The following ALPK3 variants were observed in gnomAD, a reference collection of about 807,000 sequenced individuals.
The protein encoded by ALPK3 is alpha-protein kinase 3.
A neutral mutation model predicts 140.0 loss-of-function variants in ALPK3; 102 were observed. The observed-to-expected ratio is 0.73, with a 90% CI of 0.62 to 0.86. The LOEUF is 0.86. Ranked by LOEUF, ALPK3 falls within the 40% of genes least tolerant of loss-of-function variation. ALPK3 has a pLI of 0.00. For missense variants in ALPK3, 2,254 were observed against 2,208.2 expected, an observed-to-expected ratio of 1.02 and a Z score of -0.42; for synonymous variants, 938 against 898.5, an observed-to-expected ratio of 1.04 and a Z score of -0.79.
rs771364224 is a variant in ALPK3 at position 84,868,362 on chromosome 15, A to G, written c.5024A>G (p.Lys1675Arg). 13 of 1,613,904 alleles carry G rather than the reference A, an allele frequency of 8.1e-6. No homozygotes were observed. In the East Asian group the frequency reaches 2.7e-4, roughly 33 times the overall value. ...QGTRKSAPSS[K>R]ATPQASEPVT... Reference sequence around the variant, plus strand: ...ACCCGGAAGAGTGCTCCAAGTTCCAAGGCCACCCCTCAGGCCTCAGAGCCA... The same window carrying G: ...ACCCGGAAGAGTGCTCCAAGTTCCAGGGCCACCCCTCAGGCCTCAGAGCCA... The change falls in exon 14 of 14, where the codon AAG (lysine) becomes AGG (arginine). Residue 1675 changes from lysine (K) to arginine (R), a missense_variant. Coordinates refer to ENST00000258888, the MANE Select transcript of ALPK3 (RefSeq NM_020778.5).
At chr15:84,823,788 G>A (rs1285390314) in intron 2 of ALPK3, among the ~76,000 whole-genome samples, 22 of 152,184 alleles carry the variant, frequency 1.4e-4, no homozygotes, top group Admixed American at 1.4e-3. Flanking sequence ...ATGGCTCCCT[G>A]TAGCCTTGAA....
intron 1 of ALPK3, among the ~76,000 whole-genome samples, chr15:84,820,054 T>C (rs543165570): frequency 1.2e-4 from 19 of 152,314 alleles, no homozygotes; most frequent in Admixed American, 9.1e-4. Flanking sequence ...TCACCCGGCA[T>C]CTAGGACCTC....
intron 1 of ALPK3, among the ~76,000 whole-genome samples, chr15:84,818,161 G>A (rs535609972): frequency 6.6e-6 from 1 of 152,274 alleles, no homozygotes; most frequent in African/African-American, 2.4e-5. Context: ...TAGGGGGTGG[G>A]ATGAGGTACT....
chr15:84,842,436 T>C (rs562840335), intron 5 of ALPK3, among the ~76,000 whole-genome samples: 30 of 152,330 alleles, frequency 2.0e-4, no homozygotes, highest in African/African-American at 7.2e-4. Context: ...GAAGCAGTTA[T>C]AGATCGGGAA....
intron 5 of ALPK3, among the ~76,000 whole-genome samples, chr15:84,853,855 A>G (rs1281124969): frequency 1.3e-5 from 2 of 152,050 alleles, no homozygotes; most frequent in Non-Finnish European, 2.9e-5. Flanking sequence ...TTCATTCAAA[A>G]TTCTGAATTT....
Position 84,839,993 on chromosome 15 carries a change from T to C in ALPK3, c.714T>C (p.Pro238=), listed in dbSNP as rs949298013. Reference sequence around the variant, plus strand: ...CTCAAGCGCCGGGCCCCTCGGTCCCTACCAGGGAGCCTGAGGGTGGGACCC... The same window carrying C: ...CTCAAGCGCCGGGCCCCTCGGTCCCCACCAGGGAGCCTGAGGGTGGGACCC... ...SGAQAPGPSV[P]TREPEGGTLA... Residue 238 remains proline (P), a synonymous_variant, in exon 5 of 14, where the codon CCT becomes CCC. Transcript: ENST00000258888. 2 of 1,613,382 alleles carry C rather than the reference T, an allele frequency of 1.2e-6. No individual in the cohort carries two copies. The highest frequency in any genetic ancestry group is 1.7e-5 in the Admixed American group (1 of 59,880).
At chr15:84,844,199 G>A (rs531896490) in intron 5 of ALPK3, among the ~76,000 whole-genome samples, 1 of 152,276 alleles carries the variant, frequency 6.6e-6, no homozygotes, top group South Asian at 2.1e-4. Context: ...CTGCACTCCA[G>A]CCTGGGTGAC....
Position 84,857,960 on chromosome 15 carries a change from T to C in ALPK3, c.3222T>C (p.Ile1074=), listed in dbSNP as rs111573852. The change falls in exon 6 of 14, where the codon ATT becomes ATC. Residue 1074 remains isoleucine, a synonymous_variant. Coordinates refer to ENST00000258888, the MANE Select transcript of ALPK3 (RefSeq NM_020778.5). The stretch of plus-strand genomic sequence containing the variant: ...CCAGCTCCCTCACTGTCCCTGCCAT[T>C]GTGGTAGACGAGGAGGACCCTGGGC... ...PGPSSLTVPA[I]VVDEEDPGLA... 1 of 1,609,036 alleles carries C rather than the reference T, an allele frequency of 6.2e-7. No homozygotes were observed. The highest frequency in any genetic ancestry group is 8.5e-7 in the Non-Finnish European group (1 of 1,178,130).
intron 13 of ALPK3, among the ~76,000 whole-genome samples, 184 bp from the exon 14 acceptor site, chr15:84,867,927 A>G (rs1964019379): frequency 6.6e-6 from 1 of 152,098 alleles, no homozygotes; most frequent in Non-Finnish European, 1.5e-5. Flanking sequence ...TTTTTTAAAA[A>G]GAAAAACTGA....
intron 5 of ALPK3, among the ~76,000 whole-genome samples, chr15:84,843,370 A>G (rs1567090536): frequency 1.3e-5 from 2 of 152,176 alleles, no homozygotes; most frequent in African/African-American, 4.8e-5. Context: ...TGGGTGGCTG[A>G]GGCAGGAGAA....
intron 3 of ALPK3, among the ~76,000 whole-genome samples, chr15:84,830,355 A>C (rs999248915): frequency 3.8e-4 from 58 of 151,970 alleles, no homozygotes; most frequent in Admixed American, 3.7e-3. Flanking sequence ...CCTGGATCTC[A>C]TGTCTTCCTT....
At chr15:84,845,610 A>C (rs980243377) in intron 5 of ALPK3, among the ~76,000 whole-genome samples, 1 of 152,246 alleles carries the variant, frequency 6.6e-6, no homozygotes, top group East Asian at 1.9e-4. Context: ...TCATCCCCAG[A>C]TTGTTCCTGC....
intron 12 of ALPK3, among the ~76,000 whole-genome samples, chr15:84,865,670 T>A (rs1963994890): frequency 6.6e-6 from 1 of 152,242 alleles, no homozygotes; most frequent in African/African-American, 2.4e-5. Context: ...AGAAAGGCTT[T>A]AAAGTCGGCT....
chr15:84,841,859 A>T (rs1343692530), intron 5 of ALPK3, among the ~76,000 whole-genome samples: 2 of 152,204 alleles, frequency 1.3e-5, no homozygotes, highest in Non-Finnish European at 2.9e-5. Context: ...AGAGTGTTTT[A>T]TAGTGGGACA....
Position 84,868,557 on chromosome 15 carries a change from G to T in ALPK3, c.*101G>T. 8.5e-7 allele frequency: 1 copy of T among 1,178,874 alleles called. No homozygotes were observed. The highest frequency in any genetic ancestry group is 1.2e-6 in the Non-Finnish European group (1 of 862,464). The allele number at this position is 1,178,874 out of a possible 1,614,324, so 73.0% of individuals were successfully genotyped here. On this transcript the variant is annotated 3_prime_UTR_variant, in exon 14 of 14. Transcript: ENST00000258888. ...AAATATGGAACTAACTGGAGAAGGT[G>T]CACGAAGGAGACACCACTTGGGGAC...
intron 3 of ALPK3, among the ~76,000 whole-genome samples, chr15:84,831,841 A>G (rs1963548621): frequency 6.6e-6 from 1 of 152,192 alleles, no homozygotes; most frequent in Non-Finnish European, 1.5e-5. Flanking sequence ...GGAACTGCCA[A>G]GTAAGTTTCT....
At position 84,817,507 on chromosome 15, in the gene ALPK3, G is replaced by A; in HGVS notation, c.55G>A (p.Ala19Thr). The A allele has an allele frequency of 2.0e-6, 3 of 1,469,414 alleles. No homozygotes were observed. Among genetic ancestry groups the A allele is most frequent in the East Asian group, 3.0e-5 (1 of 33,324 alleles). The allele number at this position is 1,469,414 out of a possible 1,614,324, so 91.0% of individuals were successfully genotyped here. A position where few individuals can be genotyped will look rare whatever the true frequency, so the allele number is the denominator to read the frequency against. ...CTGGGGCGCGGGTGGGCGGTCGGGGGCGGGGGGCGACGGTGAGGACGACGG... is the reference window on the plus strand; with the variant it reads ...CTGGGGCGCGGGTGGGCGGTCGGGGACGGGGGGCGACGGTGAGGACGACGG... ...RGWGAGGRSG[A>T]GGDGEDDGPV... The change falls in exon 1 of 14, where the codon GCG (alanine) becomes ACG (threonine). Residue 19 changes from alanine (A) to threonine (T), a missense_variant. By Grantham distance (58) the Ala-to-Thr change is moderately conservative (BLOSUM62 0). This residue lies in a region of ALPK3 where 2,088 missense variants were observed against 2,022.9 expected (regional missense o/e 1.03). Coordinates refer to ENST00000258888, the MANE Select transcript of ALPK3 (RefSeq NM_020778.5).
Position 84,862,878 on chromosome 15 carries a change from C to A in ALPK3, c.4373C>A (p.Thr1458Asn), listed in dbSNP as rs1963964290. 6.2e-7 allele frequency: 1 copy of A among 1,614,104 alleles called. No homozygotes were observed. Among genetic ancestry groups the A allele is most frequent in the Non-Finnish European group, 8.5e-7 (1 of 1,179,990 alleles). The change falls in exon 10 of 14, where the codon ACT becomes AAT. Residue 1458 changes from threonine to asparagine, a missense_variant. Physicochemically the swap from Thr to Asn is moderately conservative, Grantham distance 65. Coordinates refer to ENST00000258888, the MANE Select transcript of ALPK3 (RefSeq NM_020778.5). ...SLLVFGPSSE[T>N]SLVGRNYDVT... ...CTTGTGTTTGGGCCCAGCAGTGAGA[C>A]TTCTCTTGTGGGCAGAAACTACGAC... is the stretch of plus-strand genomic sequence containing the variant.
rs1484331075 is a variant in ALPK3, at chr15:84,859,786, G to A, written c.3976G>A (p.Glu1326Lys). Residue 1326 changes from glutamate (E) to lysine (K), a missense_variant, in exon 8 of 14, where the codon GAG becomes AAG. This residue lies in a region of ALPK3 where 2,088 missense variants were observed against 2,022.9 expected (regional missense o/e 1.03). Coordinates refer to ENST00000258888, the MANE Select transcript of ALPK3 (RefSeq NM_020778.5). ...GTCTCCACTCTGCAGCGCAGGGGAT[G>A]AGGGGCCGGCGGCCTTGGCCATCGT... ...VGEVGRSAGD[E>K]GPAALAIVQA... 1 of 1,612,372 alleles carries A rather than the reference G, an allele frequency of 6.2e-7. No homozygotes were observed. The highest frequency in any genetic ancestry group is 8.5e-7 in the Non-Finnish European group (1 of 1,179,814).
Sources: allele counts gnomAD v4.1 joint callset (sites outside exome capture counted in the v4.1 genomes callset), GRCh38; gene constraint gnomAD v4.1.1; regional missense constraint gnomAD v4.1.1; transcripts MANE v1.5; gene names NCBI Gene and HGNC (gene_info 2026-07-23, HGNC 2026-07-21).